TPP1: variants seen among roughly 807,000 people sequenced by gnomAD.
The protein encoded by TPP1 is tripeptidyl peptidase 1.
A neutral mutation model predicts 67.6 loss-of-function variants in TPP1; 43 were observed. That is an observed-to-expected ratio of 0.64 (90% CI 0.50 to 0.82). TPP1 has a LOEUF of 0.82. Among genes scored for constraint, TPP1 ranks in the 40% least tolerant of loss-of-function variants. TPP1 has a pLI of 0.00. For synonymous variants in TPP1, 272 were observed against 281.5 expected (o/e 0.97, Z 0.34); for missense variants, 671 against 710.9 (o/e 0.94, Z 0.64).
chr11:6,613,652 C>G lies in TPP1; in HGVS notation c.*894G>C, dbSNP rs1383855063. 1 of 152,442 alleles carries G rather than the reference C, an allele frequency of 6.6e-6. No individual in the cohort carries two copies. The highest frequency in any genetic ancestry group is 2.1e-4 in the South Asian group (1 of 4,820). The allele number at this position is 152,442 out of a possible 1,614,324, so 9.4% of individuals were successfully genotyped here. On this transcript the variant is annotated 3_prime_UTR_variant, in exon 13 of 13. Coordinates refer to ENST00000299427, the MANE Select transcript of TPP1 (RefSeq NM_000391.4). ...AAATATAATTGGAAGGACTTGTGGA[C>G]TGATAAAGATATATTTAAGATGTGC...
Position 6,614,978 on chromosome 11 carries a change from A to C in TPP1, c.1439T>G (p.Val480Gly), listed in dbSNP as rs1192702664. 5 of 1,613,776 alleles carry C rather than the reference A, an allele frequency of 3.1e-6. No individual in the cohort carries two copies. The highest frequency in any genetic ancestry group is 4.2e-6 in the Non-Finnish European group (5 of 1,179,980). Residue 480 changes from valine to glycine, a missense_variant, in exon 12 of 13, where the codon GTG becomes GGG. Val to Gly is a moderately radical substitution (Grantham distance 109). Coordinates refer to ENST00000299427, the MANE Select transcript of TPP1 (RefSeq NM_000391.4). Reference protein sequence around the residue: ...WVSGTSASTPVFGGILSLINE... With the variant: ...WVSGTSASTPGFGGILSLINE... ...GATCAAGGATAGGATCCCCCCAAAC[A>C]CTGGAGTAGAGGCCTACAAGAGTGA...
In TPP1 at chr11:6,613,198, C is replaced by T. The variant is rs1446441404; in HGVS notation, c.*1348G>A. 2.0e-5 allele frequency: 3 copies of T among 152,058 alleles called. No homozygotes were observed. The highest frequency in any genetic ancestry group is 1.9e-4 in the East Asian group (1 of 5,206). 9.4% of individuals were successfully genotyped at this position (152,058 alleles called of 1,614,324 possible). ...GAAAATCTAGGATTTTTCAGCCATACCAAAATAAAGTAGCCTCAGGGAATC... is the reference window on the plus strand; with the variant it reads ...GAAAATCTAGGATTTTTCAGCCATATCAAAATAAAGTAGCCTCAGGGAATC... On this transcript the variant is annotated 3_prime_UTR_variant, in exon 13 of 13. Transcript: ENST00000299427.
Position 6,617,048 on chromosome 11 carries a change from A to G in TPP1, c.614T>C (p.Ile205Thr). Residue 205 changes from isoleucine to threonine, a missense_variant, in exon 6 of 13, where the codon ATC (isoleucine) becomes ACC (threonine). By Grantham distance (89) the Ile-to-Thr change is moderately conservative. Transcript: ENST00000299427. ...GLHLGVTPSV[I>T]RKRYNLTSQD... Reference sequence around the variant, plus strand: ...TGAGGTCAAGTTGTATCGCTTACGGATCACAGAGGGGGTTACCCCCAGATG... The same window carrying G: ...TGAGGTCAAGTTGTATCGCTTACGGGTCACAGAGGGGGTTACCCCCAGATG... The G allele has an allele frequency of 6.2e-7, 1 of 1,614,108 alleles. No homozygotes were observed. The highest frequency in any genetic ancestry group is 8.5e-7 in the Non-Finnish European group (1 of 1,180,000).
chr11:6,617,710 ACCGTGTGGAGGGT>A lies in TPP1; in HGVS notation c.283_295del (p.Thr95CysfsTer16), dbSNP rs1335476266. On this transcript the variant is annotated frameshift_variant, in exon 4 of 13. Transcript: ENST00000299427. LOFTEE classifies it high-confidence loss of function. ...TCCGGCTGCCAAGAGCCATTTTTGC[ACCGTGTGGAGGGT>A]CAGTGGGGATGGCCTCACCAGATCA... The A allele has an allele frequency of 2.5e-6, 4 of 1,614,170 alleles. No individual in the cohort carries two copies.
In TPP1 at chr11:6,618,817, T is replaced by A. The variant is rs767113956; in HGVS notation, c.188A>T (p.Glu63Val). The A allele has an allele frequency of 1.9e-6, 3 of 1,613,864 alleles. No homozygotes were observed. Among genetic ancestry groups the A allele is most frequent in the East Asian group, 4.5e-5 (2 of 44,890 alleles). Residue 63 changes from glutamate to valine, a missense_variant, in exon 3 of 13, where the codon GAG becomes GTG. Physicochemically the swap from Glu to Val is moderately radical, Grantham distance 121 (BLOSUM62 -2). Transcript: ENST00000299427. Reference sequence around the variant, plus strand: ...GGGATCCGACACAGCCTGCACCAGCTCCGAGAGTCTTTCCACATTCTGCTG... The same window carrying A: ...GGGATCCGACACAGCCTGCACCAGCACCGAGAGTCTTTCCACATTCTGCTG... ...LRQQNVERLS[E>V]LVQAVSDPSS... is the part of the protein sequence containing the mutation.
chr11:6,619,357 T>C lies in TPP1; in HGVS notation c.17+27A>G, dbSNP rs200680143. 3.8e-5 allele frequency: 61 copies of C among 1,614,214 alleles called. No homozygotes were observed. In the Middle Eastern group the frequency reaches 9.9e-4, roughly 26 times the overall value. On this transcript the variant is annotated intron_variant, in intron 1 of 12. Coordinates refer to ENST00000299427, the MANE Select transcript of TPP1 (RefSeq NM_000391.4). ...GTGTGCTCCCTCCAACGTGATCCCTTTCTCCCGAGCCCTCTCAATTTCTCA... is the reference window on the plus strand; with the variant it reads ...GTGTGCTCCCTCCAACGTGATCCCTCTCTCCCGAGCCCTCTCAATTTCTCA...
chr11:6,619,364 G>A lies in TPP1; in HGVS notation c.17+20C>T. The A allele has an allele frequency of 2.5e-6, 4 of 1,614,096 alleles. No individual in the cohort carries two copies. The highest frequency in any genetic ancestry group is 2.2e-5 in the East Asian group (1 of 44,878). On this transcript the variant is annotated intron_variant, in intron 1 of 12. Transcript: ENST00000299427. ...CCCTCCAACGTGATCCCTTTCTCCC[G>A]AGCCCTCTCAATTTCTCACCAGGCT...
chr11:6,617,619 CTCTCACCGGAT>C lies in TPP1; in HGVS notation c.376_380+6del, dbSNP rs1414255979. ...GTGCCCTCCATGGAGCAATCATTTC[CTCTCACCGGAT>C]GCTCAGCCAGCAAGTCAGAAAGTCC... is the stretch of plus-strand genomic sequence containing the variant. On this transcript the variant is annotated splice_donor_variant and splice_donor_5th_base_variant and coding_sequence_variant and intron_variant, in exon 4 of 13. Transcript: ENST00000299427. LOFTEE classifies it high-confidence loss of function. 9.9e-6 allele frequency: 16 copies of C among 1,614,162 alleles called. No homozygotes were observed. The highest frequency in any genetic ancestry group is 1.4e-5 in the Non-Finnish European group (16 of 1,180,038).
At position 6,614,888 on chromosome 11, in the gene TPP1, T is replaced by A. The variant is rs1202338279; in HGVS notation, c.1529A>T (p.Gln510Leu). ...TACATCAAAGAGTCCTGCCCCATGC[T>A]GCTGGTAGAGCCTTGGGTTGAGAAA... ...LGFLNPRLYQ[Q>L]HGAGLFDVTR... The change falls in exon 12 of 13, where the codon CAG becomes CTG. Residue 510 changes from glutamine (Q) to leucine (L), a missense_variant. Physicochemically the swap from Gln to Leu is moderately radical, Grantham distance 113. Coordinates refer to ENST00000299427, the MANE Select transcript of TPP1 (RefSeq NM_000391.4). The A allele has an allele frequency of 1.2e-6, 2 of 1,614,146 alleles. No homozygotes were observed. Among genetic ancestry groups the A allele is most frequent in the East Asian group, 4.5e-5 (2 of 44,874 alleles).
In TPP1 at chr11:6,615,185, C is replaced by A; in HGVS notation, c.1411G>T (p.Val471Leu). The A allele has an allele frequency of 1.2e-6, 2 of 1,614,154 alleles. No homozygotes were observed. Among genetic ancestry groups the A allele is most frequent in the Non-Finnish European group, 1.7e-6 (2 of 1,180,026 alleles). Residue 471 changes from valine (V) to leucine (L), a missense_variant, in exon 11 of 13, where the codon GTG (valine) becomes TTG (leucine). Val to Leu is a conservative substitution (Grantham distance 32). Coordinates refer to ENST00000299427, the MANE Select transcript of TPP1 (RefSeq NM_000391.4). ...CTGATTCTCACCGAGGTTCCGGACA[C>A]CCATGGAATGGGCACTCTGTTGCTG... ...VVSNRVPIPWVSGTSASTPVF... is the reference protein window; with the variant it reads ...VVSNRVPIPWLSGTSASTPVF...
rs376072689 is a variant in TPP1, at chr11:6,616,812, G to A, written c.735C>T (p.Arg245=). The A allele has an allele frequency of 5.6e-6, 9 of 1,613,882 alleles. No individual in the cohort carries two copies. The highest frequency in any genetic ancestry group is 1.6e-4 in the Middle Eastern group (1 of 6,062). The part of the protein sequence containing the change: ...FHDSDLAQFM[R]LFGGNFAHQA... Reference sequence around the variant, plus strand: ...GATGTGCAAAGTTGCCACCGAAGAGGCGCATGAACTGAGCCAGGTCTGAGT... The same window carrying A: ...GATGTGCAAAGTTGCCACCGAAGAGACGCATGAACTGAGCCAGGTCTGAGT... Residue 245 remains arginine (R), a synonymous_variant, in exon 7 of 13, where the codon CGC becomes CGT. Transcript: ENST00000299427.
In TPP1 at chr11:6,615,286, G is replaced by A; in HGVS notation, c.1310C>T (p.Pro437Leu). The A allele has an allele frequency of 2.5e-6, 4 of 1,614,190 alleles. No homozygotes were observed. The highest frequency in any genetic ancestry group is 3.4e-6 in the Non-Finnish European group (4 of 1,180,038). The change falls in exon 11 of 13, where the codon CCA (proline) becomes CTA (leucine). Residue 437 changes from proline (P) to leucine (L), a missense_variant. Transcript: ENST00000299427. ...TKFLSSSPHL[P>L]PSSYFNASGR... Reference sequence around the variant, plus strand: ...ACTGGCATTGAAGTAACTGGATGGTGGCAGGTGGGGGCTAGAGCTCAGGAA... The same window carrying A: ...ACTGGCATTGAAGTAACTGGATGGTAGCAGGTGGGGGCTAGAGCTCAGGAA...
Position 6,612,804 on chromosome 11 carries a change from A to C in TPP1, c.*1742T>G, listed in dbSNP as rs1375246952. The stretch of plus-strand genomic sequence containing the variant: ...GCAGACATTTAATTCTTATTTGCCA[A>C]CTCCTGAGCTAGGACCTGGGAACAC... On this transcript the variant is annotated 3_prime_UTR_variant, in exon 13 of 13. Transcript: ENST00000299427. The C allele has an allele frequency of 6.6e-6, 1 of 152,356 alleles. No individual in the cohort carries two copies. Among genetic ancestry groups the C allele is most frequent in the African/African-American group, 2.4e-5 (1 of 41,342 alleles). The allele number at this position is 152,356 out of a possible 1,614,324, so 9.4% of individuals were successfully genotyped here.
At position 6,616,153 on chromosome 11, in the gene TPP1, G is replaced by GTTACTGTAGGAGGTCAGAGTGTAA. The variant is rs1249486924; in HGVS notation, c.1076-80_1076-79insTTACACTCTGACCTCCTACAGTAA. 4.4e-6 allele frequency: 7 copies of GTTACTGTAGGAGGTCAGAGTGTAA among 1,594,668 alleles called. No homozygotes were observed. The Admixed American group carries it at 1.2e-4, about 27-fold the overall frequency. On this transcript the variant is annotated intron_variant, in intron 8 of 12. Coordinates refer to ENST00000299427, the MANE Select transcript of TPP1 (RefSeq NM_000391.4). ...GGTTCGGATGTCAGAGGGGAAATTT[G>GTTACTGTAGGAGGTCAGAGTGTAA]TTACTGTAGGAGGTCAGAGTGTAGA...
In TPP1 at chr11:6,617,637, CCAGCAAGT is replaced by C; in HGVS notation, c.361_368del (p.Thr121AlafsTer14). On this transcript the variant is annotated frameshift_variant, in exon 4 of 13. Coordinates refer to ENST00000299427, the MANE Select transcript of TPP1 (RefSeq NM_000391.4). LOFTEE classifies it high-confidence loss of function. ...TCATTTCCTCTCACCGGATGCTCAGCCAGCAAGTCAGAAAGTCCTGTGTGATCACAGAA... is the reference window on the plus strand; with the variant it reads ...TCATTTCCTCTCACCGGATGCTCAGCCAGAAAGTCCTGTGTGATCACAGAA... 3 of 1,614,166 alleles carry C rather than the reference CCAGCAAGT, an allele frequency of 1.9e-6. No individual in the cohort carries two copies. Among genetic ancestry groups the C allele is most frequent in the Non-Finnish European group, 2.5e-6 (3 of 1,180,028 alleles).
Position 6,617,293 on chromosome 11 carries a change from G to A in TPP1, c.508+8C>T. 1 of 1,613,990 alleles carries A rather than the reference G, an allele frequency of 6.2e-7. No homozygotes were observed. The highest frequency in any genetic ancestry group is 1.7e-5 in the Admixed American group (1 of 60,000). On this transcript the variant is annotated splice_region_variant and intron_variant, in intron 5 of 12. Transcript: ENST00000299427. ...TGCCCCAACCCCCATTCACCCCATA[G>A]GTGTTACCAAAGTCCACATGGGGGG... is the stretch of plus-strand genomic sequence containing the variant.
intron 8 of TPP1, 26 bp from the exon 9 acceptor site, chr11:6,616,100 A>G (rs761284709): frequency 6.2e-7 from 1 of 1,613,898 alleles, no homozygotes; most frequent in South Asian, 1.1e-5. Flanking sequence ...TGTAGCATTC[A>G]TATTAATTGG....
At chr11:6,616,901 A>G (rs1239249155) in intron 6 of TPP1, 42 bp from the exon 7 acceptor site, 1 of 1,614,048 alleles carries the variant, frequency 6.2e-7, no homozygotes, top group South Asian at 1.1e-5. Flanking sequence ...TCCGAGGGTG[A>G]GTCCCAGGGT....
chr11:6,613,808 TTGGGAAGG>T lies in TPP1; in HGVS notation c.*730_*737del, dbSNP rs1855533696. ...AGAAACGAGATGGAATTGTTTGGGG[TTGGGAAGG>T]TGGACGATGAAATGTTGAGTATCAC... On this transcript the variant is annotated 3_prime_UTR_variant, in exon 13 of 13. Transcript: ENST00000299427. The T allele has an allele frequency of 6.6e-6, 1 of 152,520 alleles. No individual in the cohort carries two copies. Among genetic ancestry groups the T allele is most frequent in the Non-Finnish European group, 1.5e-5 (1 of 68,054 alleles). The allele number at this position is 152,520 out of a possible 1,614,324, so 9.4% of individuals were successfully genotyped here.
Sources: allele counts gnomAD v4.1 joint callset, GRCh38; gene constraint gnomAD v4.1.1; transcripts MANE v1.5; gene names NCBI Gene and HGNC (gene_info 2026-07-23, HGNC 2026-07-21).